MACROD2: variants seen among roughly 807,000 people sequenced by gnomAD.
MACROD2 encodes ADP-ribose glycohydrolase MACROD2.
MACROD2 carries 36 observed loss-of-function variants against 70.4 expected under a neutral mutation model. The ratio of observed to expected loss-of-function variants is 0.51; its 90% CI spans 0.39 to 0.68. The LOEUF (loss-of-function observed/expected upper bound fraction) is 0.68. Among genes scored for constraint, MACROD2 ranks in the 30% least tolerant of loss-of-function variants. The pLI, the probability that MACROD2 is intolerant of heterozygous loss-of-function variation, is 0.00. For synonymous variants in MACROD2, 172 were observed against 178.8 expected, an observed-to-expected ratio of 0.96 and a Z score of 0.30; for missense variants, 496 against 538.4, an observed-to-expected ratio of 0.92 and a Z score of 0.78.
At chr20:15,904,836 G>A (rs1396921929) in intron 10 of MACROD2, among the ~76,000 whole-genome samples, 5 of 147,008 alleles carry the variant, frequency 3.4e-5, no homozygotes, top group South Asian at 4.3e-4. Context: ...AGCCACGATC[G>A]CAGCACTGCA....
At chr20:14,513,203 G>A (rs1002680732) in intron 4 of MACROD2, among the ~76,000 whole-genome samples, 2 of 152,052 alleles carry the variant, frequency 1.3e-5, no homozygotes, top group East Asian at 1.9e-4. Context: ...TCCTTTGCAA[G>A]GATATTCCCT....
chr20:15,891,152 G>A (rs1318623864), intron 10 of MACROD2, among the ~76,000 whole-genome samples: 12 of 152,160 alleles, frequency 7.9e-5, no homozygotes. Flanking sequence ...ATCTTCTAGG[G>A]AGTTGAATTT....
intron 6 of MACROD2, among the ~76,000 whole-genome samples, chr20:15,348,066 A>T (rs2078186024): frequency 6.6e-6 from 1 of 152,152 alleles, no homozygotes; most frequent in Non-Finnish European, 1.5e-5. Flanking sequence ...TCTACATTTG[A>T]TGACACTATG....
At chr20:15,662,999 A>G (rs1252227950) in intron 8 of MACROD2, among the ~76,000 whole-genome samples, 1 of 120,712 alleles carries the variant, frequency 8.3e-6, no homozygotes, top group African/African-American at 3.0e-5. Flanking sequence ...ATTTTTGCCT[A>G]TTAATGTATG....
chr20:14,985,214 T>C (rs1228174464), intron 5 of MACROD2, among the ~76,000 whole-genome samples: 1 of 152,178 alleles, frequency 6.6e-6, no homozygotes, highest in African/African-American at 2.4e-5. Flanking sequence ...TTCACTCAAT[T>C]GCATTTTGAG....
intron 3 of MACROD2, among the ~76,000 whole-genome samples, chr20:14,181,688 T>C (rs966675230): frequency 6.6e-6 from 1 of 152,082 alleles, no homozygotes; most frequent in East Asian, 1.9e-4. Context: ...TTTTCATCTC[T>C]ATAAATTGGC....
At chr20:14,234,007 G>A (rs373009582) in intron 3 of MACROD2, among the ~76,000 whole-genome samples, 21 of 152,196 alleles carry the variant, frequency 1.4e-4, no homozygotes, top group African/African-American at 4.1e-4. Context: ...TGCAAAACCC[G>A]CAGAGCTGTA....
intron 5 of MACROD2, among the ~76,000 whole-genome samples, chr20:15,091,315 C>T (rs1459863956): frequency 2.7e-5 from 4 of 147,038 alleles, no homozygotes; most frequent in Non-Finnish European, 4.5e-5. Context: ...GATATGTATA[C>T]AAAAAGGTTA....
rs377456193 is a variant in MACROD2 at position 14,248,212 on chromosome 20, T to C, written c.271+162484T>C. 1.8e-3 allele frequency among the ~76,000 whole-genome samples: 272 copies of C among 152,324 alleles called. 1 individual carries two copies. The highest frequency in any genetic ancestry group is 6.4e-3 in the African/African-American group (265 of 41,582). On this transcript the variant is annotated intron_variant, in intron 3 of 17. Coordinates refer to ENST00000684519, the MANE Select transcript of MACROD2 (RefSeq NM_001351661.2). Reference sequence around the variant, plus strand: ...GCCAAGCAACCACAGATTGTCCGTATGGGTGGCTGAGATAGTGACACCTTT... The same window carrying C: ...GCCAAGCAACCACAGATTGTCCGTACGGGTGGCTGAGATAGTGACACCTTT...
In MACROD2 at chr20:14,885,143, T is replaced by C. The variant is rs545014342; in HGVS notation, c.418+200184T>C. 1.4e-4 allele frequency among the ~76,000 whole-genome samples: 22 copies of C among 152,268 alleles called. No individual in the cohort carries two copies. The South Asian group carries it at 4.4e-3, about 30-fold the overall frequency. Reference sequence around the variant, plus strand: ...TGTCATTGAGAGGAGTGTCAAAAAATTGGGCCATGTTTATACTACATGCTC... The same window carrying C: ...TGTCATTGAGAGGAGTGTCAAAAAACTGGGCCATGTTTATACTACATGCTC... On this transcript the variant is annotated intron_variant, in intron 5 of 17. Coordinates refer to ENST00000684519, the MANE Select transcript of MACROD2 (RefSeq NM_001351661.2).
chr20:14,383,125 G>A (rs1053899192), intron 3 of MACROD2, among the ~76,000 whole-genome samples: 1 of 152,078 alleles, frequency 6.6e-6, no homozygotes, highest in African/African-American at 2.4e-5. Context: ...TTTTAAGTCT[G>A]GGATTAAAAA....
At chr20:14,320,399 A>G (rs2082648274) in intron 3 of MACROD2, among the ~76,000 whole-genome samples, 1 of 152,006 alleles carries the variant, frequency 6.6e-6, no homozygotes, top group African/African-American at 2.4e-5. Context: ...AGTTTCTCCC[A>G]TTCATCTTTA....
At chr20:15,325,472 T>C (rs1040767647) in intron 6 of MACROD2, among the ~76,000 whole-genome samples, 1 of 152,146 alleles carries the variant, frequency 6.6e-6, no homozygotes, top group Non-Finnish European at 1.5e-5. Flanking sequence ...TGTTCTCCTT[T>C]ATATTTGAGA....
At chr20:15,134,271 C>G (rs2076129202) in intron 5 of MACROD2, among the ~76,000 whole-genome samples, 1 of 149,186 alleles carries the variant, frequency 6.7e-6, no homozygotes, top group Admixed American at 6.6e-5. Context: ...CACCTGTAAT[C>G]TCAGCACTTT....
At chr20:15,239,675 A>G (rs1321298113) in intron 6 of MACROD2, among the ~76,000 whole-genome samples, 1 of 152,200 alleles carries the variant, frequency 6.6e-6, no homozygotes, top group African/African-American at 2.4e-5. Flanking sequence ...CAGGTAAGCT[A>G]TCCCGGAGGA....
chr20:14,772,749 G>C (rs1029632214), intron 5 of MACROD2, among the ~76,000 whole-genome samples: 1 of 152,048 alleles, frequency 6.6e-6, no homozygotes, highest in Non-Finnish European at 1.5e-5. Context: ...CAGTGAGTCA[G>C]TGCTATTTTT....
intron 8 of MACROD2, among the ~76,000 whole-genome samples, chr20:15,530,562 C>T (rs1166310905): frequency 6.6e-6 from 1 of 151,838 alleles, no homozygotes; most frequent in Non-Finnish European, 1.5e-5. Flanking sequence ...GAAAACCCGT[C>T]TCTACTAAAA....
At chr20:14,005,057 G>A (rs1007817830) in intron 2 of MACROD2, among the ~76,000 whole-genome samples, 1 of 151,986 alleles carries the variant, frequency 6.6e-6, no homozygotes, top group Non-Finnish European at 1.5e-5. Context: ...ACAATAGAAA[G>A]TTAAATAAAA....
At chr20:15,740,176 CTTGGAATG>C (rs2051082853) in intron 8 of MACROD2, among the ~76,000 whole-genome samples, 1 of 152,136 alleles carries the variant, frequency 6.6e-6, no homozygotes, top group Admixed American at 6.6e-5. Context: ...TTCTTTGAGA[CTTGGAATG>C]CTATCTGTGA....
Sources: allele counts gnomAD v4.1 joint callset (sites outside exome capture counted in the v4.1 genomes callset), GRCh38; gene constraint gnomAD v4.1.1; transcripts MANE v1.5; gene names NCBI Gene and HGNC (gene_info 2026-07-23, HGNC 2026-07-21).